GALNT1: variants seen among roughly 807,000 people sequenced by gnomAD.
GALNT1 encodes GalNAc transferase 1.
In GALNT1, 17 loss-of-function variants were observed where a neutral mutation model predicts 65.7. The observed-to-expected ratio is 0.26, with a 90% CI of 0.18 to 0.39. The LOEUF is 0.39. Among genes scored for constraint, GALNT1 ranks in the 10% least tolerant of loss-of-function variants. The probability of loss-of-function intolerance (pLI) is 1.00; values close to 1 mark genes in which losing one functional copy is unlikely to be tolerated. For missense variants in GALNT1, 460 were observed against 672.8 expected (o/e 0.68, Z 3.50); for synonymous variants, 210 against 219.7 (o/e 0.96, Z 0.39).
chr18:35,669,120 A>C (rs955086159), intron 3 of GALNT1, among the ~76,000 whole-genome samples: 1 of 152,198 alleles, frequency 6.6e-6, no homozygotes, highest in African/African-American at 2.4e-5. Flanking sequence ...ACGCACCTGT[A>C]GTCCCAGCTA....
intron 1 of GALNT1, among the ~76,000 whole-genome samples, chr18:35,652,626 T>G (rs607498): frequency 0.35 from 52,517 of 152,022 alleles, 9,982 homozygotes; most frequent in Middle Eastern, 0.52. Context: ...GTATTTCCTT[T>G]CATTGTTGCA....
At chr18:35,647,036 C>G (rs2144338156) in intron 1 of GALNT1, among the ~76,000 whole-genome samples, 1 of 152,330 alleles carries the variant, frequency 6.6e-6, no homozygotes, top group Non-Finnish European at 1.5e-5. Flanking sequence ...CATCGTATCT[C>G]TTGTATCTTC....
chr18:35,669,419 C>T (rs1412051402), intron 3 of GALNT1, among the ~76,000 whole-genome samples: 1 of 152,044 alleles, frequency 6.6e-6, no homozygotes, highest in Non-Finnish European at 1.5e-5. Flanking sequence ...TATTACAGAC[C>T]AGTAGTCTCG....
At chr18:35,643,107 G>A (rs2047186666) in intron 1 of GALNT1, among the ~76,000 whole-genome samples, 1 of 152,056 alleles carries the variant, frequency 6.6e-6, no homozygotes, top group Non-Finnish European at 1.5e-5. Flanking sequence ...TTGAGGAGGG[G>A]AGGAGAGGTT....
chr18:35,681,135 A>AT (rs1244693454), intron 4 of GALNT1, among the ~76,000 whole-genome samples: 11 of 151,898 alleles, frequency 7.2e-5, no homozygotes, highest in Non-Finnish European at 1.5e-5. Flanking sequence ...GAATAGTGAA[A>AT]TTTTTTCCTG....
chr18:35,603,949 G>C (rs557569108), intron 1 of GALNT1, among the ~76,000 whole-genome samples: 1 of 152,050 alleles, frequency 6.6e-6, no homozygotes, highest in Non-Finnish European at 1.5e-5. Flanking sequence ...TTTTAGGTTC[G>C]GGGGTACATG....
chr18:35,587,390 G>A (rs917106965), intron 1 of GALNT1, among the ~76,000 whole-genome samples: 7 of 152,132 alleles, frequency 4.6e-5, no homozygotes, highest in Non-Finnish European at 8.8e-5. Flanking sequence ...GCACTATGAT[G>A]AATAAGAAGG....
chr18:35,649,139 T>A (rs918278850), intron 1 of GALNT1, among the ~76,000 whole-genome samples: 2 of 152,228 alleles, frequency 1.3e-5, no homozygotes, highest in African/African-American at 4.8e-5. Context: ...GAAACTCCCC[T>A]GTTTTCCAGA....
chr18:35,599,366 C>CCTTTTTTTTTTTTT (rs61028491), intron 1 of GALNT1, among the ~76,000 whole-genome samples: 1 of 122,758 alleles, frequency 8.1e-6, no homozygotes, highest in African/African-American at 3.2e-5. Context: ...GAGATTTACA[C>CCTTTTTTTTTTTTT]TTTTTTTTTT....
intron 1 of GALNT1, among the ~76,000 whole-genome samples, chr18:35,642,788 A>G (rs1373122446): frequency 6.6e-6 from 1 of 152,100 alleles, no homozygotes; most frequent in Admixed American, 6.6e-5. Context: ...TTGTGTCAGG[A>G]ACCCAATTCA....
Position 35,689,302 on chromosome 18 carries a change from T to TA in GALNT1, c.978+19dup. ...AAATTTCCTTTAGGGTAAGTTCCCT[T>TA]AAAAAAATTTAATCTTTTATTTAAC... On this transcript the variant is annotated intron_variant, in intron 7 of 11. Transcript: ENST00000269195. 9.2e-6 allele frequency: 13 copies of TA among 1,419,758 alleles called. No individual in the cohort carries two copies. The highest frequency in any genetic ancestry group is 1.9e-5 in the Admixed American group (1 of 53,522). 87.9% of individuals were successfully genotyped at this position (1,419,758 alleles called of 1,614,324 possible).
chr18:35,586,198 T>C (rs2046376270), intron 1 of GALNT1, among the ~76,000 whole-genome samples: 2 of 152,238 alleles, frequency 1.3e-5, no homozygotes, highest in Non-Finnish European at 2.9e-5. Flanking sequence ...CCTTAAAGGC[T>C]AATGATGTTG....
chr18:35,643,530 G>T (rs2047192127), intron 1 of GALNT1, among the ~76,000 whole-genome samples: 1 of 152,150 alleles, frequency 6.6e-6, no homozygotes. Context: ...TTGGGAGGCC[G>T]AGGCAGGCAG....
At chr18:35,700,917 A>G (rs906897873) in intron 9 of GALNT1, among the ~76,000 whole-genome samples, 4 of 152,232 alleles carry the variant, frequency 2.6e-5, no homozygotes, top group Non-Finnish European at 5.9e-5. Context: ...GGCATTTATC[A>G]TCTTTCTTTA....
intron 2 of GALNT1, among the ~76,000 whole-genome samples, chr18:35,662,797 C>T (rs1204023936): frequency 6.6e-6 from 1 of 152,132 alleles, no homozygotes; most frequent in African/African-American, 2.4e-5. Context: ...TATCCCAGAA[C>T]CTGTTTTTCT....
At chr18:35,582,589 A>AT (rs1000140162) in intron 1 of GALNT1, among the ~76,000 whole-genome samples, 1 of 152,136 alleles carries the variant, frequency 6.6e-6, no homozygotes, top group African/African-American at 2.4e-5. Flanking sequence ...CTCACTTGGC[A>AT]TTTTTTTGGT....
At chr18:35,587,897 CTT>C (rs1214504395) in intron 1 of GALNT1, among the ~76,000 whole-genome samples, 2 of 152,158 alleles carry the variant, frequency 1.3e-5, no homozygotes, top group African/African-American at 4.8e-5. Context: ...GGGACTTCCA[CTT>C]TGAGCCATGG....
chr18:35,627,675 T>G (rs2046936471), intron 1 of GALNT1, among the ~76,000 whole-genome samples: 1 of 152,122 alleles, frequency 6.6e-6, no homozygotes, highest in Admixed American at 6.5e-5. Context: ...GATTTTTGCA[T>G]TTCCAACTGA....
At chr18:35,686,261 G>A (rs1483129807) in intron 5 of GALNT1, among the ~76,000 whole-genome samples, 1 of 152,136 alleles carries the variant, frequency 6.6e-6, no homozygotes, top group African/African-American at 2.4e-5. Flanking sequence ...AATATCATAA[G>A]AGTATCAATT....
Sources: gnomAD v4.1 joint callset for allele counts (sites outside exome capture counted in the v4.1 genomes callset) on GRCh38, gnomAD v4.1.1 for gene constraint, MANE v1.5 for transcripts, NCBI Gene and HGNC (gene_info 2026-07-23, HGNC 2026-07-21) for gene names.